Variants in TCF7L2 observed in about 807,000 individuals in gnomAD.
TCF7L2 encodes the protein transcription factor 7-like 2.
Under a neutral mutation model 77.9 loss-of-function variants are expected in TCF7L2, and 23 were observed. That is an observed-to-expected ratio of 0.30 (90% CI 0.21 to 0.42). The LOEUF is 0.42. Among genes scored for constraint, TCF7L2 ranks in the 10% least tolerant of loss-of-function variants. The pLI is 1.00. For synonymous variants in TCF7L2, 413 were observed against 340.2 expected (o/e 1.21, Z -2.36); for missense variants, 654 against 793.1 (o/e 0.82, Z 2.11).
intron 5 of TCF7L2, among the ~76,000 whole-genome samples, chr10:113,092,776 A>C (rs2060531803): frequency 6.6e-6 from 1 of 152,196 alleles, no homozygotes; most frequent in Admixed American, 6.5e-5. Flanking sequence ...AGGCAGGAGA[A>C]TTGCTTGAAT....
intron 4 of TCF7L2, among the ~76,000 whole-genome samples, chr10:112,967,182 G>A (rs868289221): frequency 6.6e-6 from 1 of 152,122 alleles, no homozygotes; most frequent in East Asian, 1.9e-4. Context: ...TGTTCCTTTC[G>A]CTCCATTCTC....
At chr10:112,952,610 CA>C (rs1231051195) in intron 3 of TCF7L2, among the ~76,000 whole-genome samples, 2 of 152,306 alleles carry the variant, frequency 1.3e-5, no homozygotes, top group East Asian at 1.9e-4. Context: ...TCGTGGGCCC[CA>C]GGGGGGCCAG....
chr10:112,995,417 G>A (rs1285093352), intron 4 of TCF7L2, among the ~76,000 whole-genome samples: 6 of 152,178 alleles, frequency 3.9e-5, no homozygotes, highest in Admixed American at 1.3e-4. Context: ...CTGGAGATGG[G>A]AGTGACCACC....
chr10:112,995,148 C>T (rs977849019), intron 4 of TCF7L2, among the ~76,000 whole-genome samples: 2 of 152,188 alleles, frequency 1.3e-5, no homozygotes, highest in East Asian at 3.9e-4. Context: ...CACCCTCCTC[C>T]TCAGGGGAAC....
At chr10:112,961,265 C>CCCCCT (rs1564713308) in intron 3 of TCF7L2, among the ~76,000 whole-genome samples, 1 of 134,810 alleles carries the variant, frequency 7.4e-6, no homozygotes, top group Non-Finnish European at 1.6e-5. Context: ...CCCCCCCCCC[C>CCCCCT]CCAACCTCGG....
chr10:113,063,542 A>G (rs1250190289), intron 5 of TCF7L2, among the ~76,000 whole-genome samples: 1 of 152,028 alleles, frequency 6.6e-6, no homozygotes, highest in African/African-American at 2.4e-5. Flanking sequence ...AGAGCGGGAG[A>G]TGGGAACCTG....
intron 3 of TCF7L2, among the ~76,000 whole-genome samples, chr10:112,952,384 G>A (rs1310864666): frequency 6.6e-6 from 1 of 152,104 alleles, no homozygotes; most frequent in Non-Finnish European, 1.5e-5. Context: ...CCTGGGCGCC[G>A]TGGCGGGCTC....
intron 4 of TCF7L2, among the ~76,000 whole-genome samples, chr10:113,001,293 G>T (rs1327640110): frequency 6.6e-6 from 1 of 152,192 alleles, no homozygotes; most frequent in Non-Finnish European, 1.5e-5. Context: ...TTTTATTTAT[G>T]TGTTTCCAAG....
chr10:113,073,503 CAAAAAAA>C (rs35730806), intron 5 of TCF7L2, among the ~76,000 whole-genome samples: 2 of 43,972 alleles, frequency 4.5e-5, no homozygotes, highest in African/African-American at 9.4e-5. Context: ...CGGTCTCTAC[CAAAAAAA>C]AAAAAAAAAA....
intron 4 of TCF7L2, among the ~76,000 whole-genome samples, chr10:112,979,116 T>G (rs2135150118): frequency 6.6e-6 from 1 of 151,714 alleles, no homozygotes; most frequent in South Asian, 2.1e-4. Context: ...ATTTGGGGGG[T>G]TTTCATCTTT....
At chr10:113,092,680 A>T (rs548992772) in intron 5 of TCF7L2, among the ~76,000 whole-genome samples, 1 of 152,218 alleles carries the variant, frequency 6.6e-6, no homozygotes, top group Non-Finnish European at 1.5e-5. Context: ...GGAGTTCGAC[A>T]TGGTGAAACC....
chr10:112,972,519 G>T (rs2038492814), intron 4 of TCF7L2, among the ~76,000 whole-genome samples: 1 of 152,172 alleles, frequency 6.6e-6, no homozygotes, highest in African/African-American at 2.4e-5. Context: ...ACCCAGGCTG[G>T]AGCACAGTGG....
chr10:113,163,347 A>G (rs1257345863), intron 13 of TCF7L2, among the ~76,000 whole-genome samples: 1 of 152,044 alleles, frequency 6.6e-6, no homozygotes, highest in South Asian at 2.1e-4. Flanking sequence ...TGCTTTTCCC[A>G]TCTTTTCACT....
intron 5 of TCF7L2, among the ~76,000 whole-genome samples, chr10:113,128,680 G>A (rs948704302): frequency 6.6e-6 from 1 of 152,128 alleles, no homozygotes; most frequent in South Asian, 2.1e-4. Flanking sequence ...GAAAAGACCG[G>A]AAAAGCGTTC....
chr10:113,028,426 C>T (rs1175958713), intron 4 of TCF7L2, among the ~76,000 whole-genome samples: 2 of 148,898 alleles, frequency 1.3e-5, no homozygotes, highest in Non-Finnish European at 3.0e-5. Context: ...GACCTTTGGG[C>T]TTCCTGGGTG....
chr10:113,135,444 A>G (rs1813973139), intron 5 of TCF7L2, among the ~76,000 whole-genome samples: 1 of 152,268 alleles, frequency 6.6e-6, no homozygotes, highest in South Asian at 2.1e-4. Flanking sequence ...GACAGAGGAA[A>G]GCTTGGCTTT....
At chr10:113,141,366 G>A in intron 6 of TCF7L2, 50 bp downstream of exon 6, 2 of 1,611,868 alleles carry the variant, frequency 1.2e-6, no homozygotes, top group Middle Eastern at 1.7e-4. Flanking sequence ...CTGGGGTTCT[G>A]GGGGAACCTT....
chr10:113,127,414 TAAAAC>T (rs1200906549), intron 5 of TCF7L2, among the ~76,000 whole-genome samples: 5 of 152,192 alleles, frequency 3.3e-5, no homozygotes, highest in Non-Finnish European at 7.4e-5. Context: ...CCTCTTTATT[TAAAAC>T]AAAACAAAAG....
At chr10:112,991,523 GAA>G (rs938937371) in intron 4 of TCF7L2, among the ~76,000 whole-genome samples, 1 of 144,216 alleles carries the variant, frequency 6.9e-6, no homozygotes, top group South Asian at 2.1e-4. Context: ...AAAAAAGAAA[GAA>G]AAAAAAAGAA....
Sources: gnomAD v4.1 joint callset for allele counts (sites outside exome capture counted in the v4.1 genomes callset) on GRCh38, gnomAD v4.1.1 for gene constraint, MANE v1.5 for transcripts, NCBI Gene and HGNC (gene_info 2026-07-23, HGNC 2026-07-21) for gene names.